The following UNC79 variants were observed in gnomAD, a reference collection of about 807,000 sequenced individuals.
The protein encoded by UNC79 is protein unc-79 homolog.
UNC79 carries 37 observed loss-of-function variants against 283.1 expected under a neutral mutation model. That is an observed-to-expected ratio of 0.13 (90% CI 0.10 to 0.17). The LOEUF (loss-of-function observed/expected upper bound fraction) is 0.17. UNC79 is among the 10% of genes least tolerant of loss of function. UNC79 has a pLI of 1.00. For synonymous variants in UNC79, 1,107 were observed against 1,200.2 expected, an observed-to-expected ratio of 0.92 and a Z score of 1.61; for missense variants, 2,272 against 3,211.1, an observed-to-expected ratio of 0.71 and a Z score of 7.07.
At chr14:93,536,195 G>A (rs1256601329) in intron 11 of UNC79, among the ~76,000 whole-genome samples, 1 of 152,182 alleles carries the variant, frequency 6.6e-6, no homozygotes, top group East Asian at 1.9e-4. Context: ...TGAGAGGAAG[G>A]TAGTCATGTC....
intron 1 of UNC79, among the ~76,000 whole-genome samples, chr14:93,376,246 TAGAAA>T (rs1399813844): frequency 6.6e-6 from 1 of 152,208 alleles, no homozygotes; most frequent in Non-Finnish European, 1.5e-5. Context: ...TATGTATTGA[TAGAAA>T]AGAGTGTTGA....
intron 1 of UNC79, among the ~76,000 whole-genome samples, chr14:93,366,587 A>G (rs991666743): frequency 3.3e-5 from 3 of 91,834 alleles, no homozygotes; most frequent in Non-Finnish European, 7.4e-5. Context: ...TTTTTTTTTT[A>G]TTTGAGACAG....
chr14:93,375,818 A>G (rs554606237), intron 1 of UNC79, among the ~76,000 whole-genome samples: 1 of 152,212 alleles, frequency 6.6e-6, no homozygotes, highest in African/African-American at 2.4e-5. Context: ...ATCATCTCCC[A>G]CCAGGCACCA....
At chr14:93,628,492 A>T (rs979467097) in intron 30 of UNC79, among the ~76,000 whole-genome samples, 7 of 152,164 alleles carry the variant, frequency 4.6e-5, no homozygotes, top group African/African-American at 1.7e-4. Context: ...TCTCTCCTAC[A>T]GAGAATTGAT....
chr14:93,502,112 C>A (rs936868342), intron 7 of UNC79, among the ~76,000 whole-genome samples: 3 of 152,020 alleles, frequency 2.0e-5, no homozygotes, highest in African/African-American at 7.2e-5. Flanking sequence ...ATTATTTTGG[C>A]CTTAAAGTTG....
At chr14:93,622,206 G>T (rs2067191360) in exon 30 of UNC79, 1 of 1,614,124 alleles carries the variant, frequency 6.2e-7, no homozygotes, top group Non-Finnish European at 8.5e-7. Flanking sequence ...GGCGATGACG[G>T]CCCCTCCGGT....
intron 25 of UNC79, among the ~76,000 whole-genome samples, chr14:93,601,463 T>C (rs2065501717): frequency 6.6e-6 from 1 of 152,258 alleles, no homozygotes; most frequent in African/African-American, 2.4e-5. Flanking sequence ...TAGTATTCCA[T>C]GGTACATATG....
intron 1 of UNC79, among the ~76,000 whole-genome samples, chr14:93,425,057 A>C (rs938810429): frequency 5.9e-5 from 9 of 152,310 alleles, no homozygotes; most frequent in African/African-American, 2.2e-4. Flanking sequence ...GTCCATTTTC[A>C]TGCTGCTATA....
chr14:93,534,578 G>C (rs1309867767), intron 11 of UNC79, among the ~76,000 whole-genome samples: 1 of 152,160 alleles, frequency 6.6e-6, no homozygotes, highest in African/African-American at 2.4e-5. Flanking sequence ...TTATAGCTGA[G>C]AGCCTCAATT....
At chr14:93,623,245 C>A (rs1266890906) in intron 30 of UNC79, among the ~76,000 whole-genome samples, 1 of 152,128 alleles carries the variant, frequency 6.6e-6, no homozygotes, top group Admixed American at 6.5e-5. Context: ...AAAGAAGGAA[C>A]CAATGTGGAG....
In UNC79 at chr14:93,467,628, C is replaced by T. The variant is rs1483008556; in HGVS notation, c.23-43C>T. ...ATTCTTCTCTTTCTTTTTCTTCTTCCTTTTTTTTTTTTTTTTTTTTTTTTT... is the reference window on the plus strand; with the variant it reads ...ATTCTTCTCTTTCTTTTTCTTCTTCTTTTTTTTTTTTTTTTTTTTTTTTTT... On this transcript the variant is annotated intron_variant, in intron 1 of 48. Transcript: ENST00000555664. 6.3e-5 allele frequency: 48 copies of T among 762,714 alleles called. No homozygotes were observed. In the Admixed American group the frequency reaches 1.3e-3, roughly 20 times the overall value. 47.2% of individuals were successfully genotyped at this position (762,714 alleles called of 1,614,324 possible). A position where few individuals can be genotyped will look rare whatever the true frequency, so the allele number is the denominator to read the frequency against.
intron 38 of UNC79, among the ~76,000 whole-genome samples, chr14:93,657,094 T>C (rs1268451173): frequency 6.6e-6 from 1 of 152,188 alleles, no homozygotes; most frequent in African/African-American, 2.4e-5. Context: ...AGCAGGAGTA[T>C]AGAGGAGGGA....
At chr14:93,538,072 G>A (rs572376037) in exon 12 of UNC79, 2 of 1,614,180 alleles carry the variant, frequency 1.2e-6, no homozygotes, top group Non-Finnish European at 1.7e-6. Context: ...GGCCTGTTCG[G>A]TACTGCAAGA....
intron 34 of UNC79, among the ~76,000 whole-genome samples, chr14:93,646,065 C>T (rs774074842): frequency 7.9e-5 from 12 of 152,082 alleles, no homozygotes; most frequent in Non-Finnish European, 1.3e-4. Flanking sequence ...CATACAGAAC[C>T]GTATAATTAT....
At chr14:93,657,177 G>C (rs2071036961) in intron 38 of UNC79, among the ~76,000 whole-genome samples, 1 of 152,076 alleles carries the variant, frequency 6.6e-6, no homozygotes, top group Non-Finnish European at 1.5e-5. Flanking sequence ...ATCCAAGCAA[G>C]AAGGGTTAGT....
At chr14:93,447,070 A>G (rs747774105) in intron 1 of UNC79, among the ~76,000 whole-genome samples, 1 of 152,136 alleles carries the variant, frequency 6.6e-6, no homozygotes, top group African/African-American at 2.4e-5. Context: ...GGGTTCATAT[A>G]CATTTATGAT....
At chr14:93,653,990 C>A in exon 37 of UNC79, 1 of 1,614,114 alleles carries the variant, frequency 6.2e-7, no homozygotes, top group Non-Finnish European at 8.5e-7. Flanking sequence ...CTTCAATGAG[C>A]TGAGCTCCAT....
chr14:93,539,540 AT>A (rs1186290723), intron 12 of UNC79, among the ~76,000 whole-genome samples: 2 of 151,998 alleles, frequency 1.3e-5, no homozygotes, highest in Non-Finnish European at 2.9e-5. Context: ...AATTAAAAAA[AT>A]AATAATAATA....
intron 1 of UNC79, among the ~76,000 whole-genome samples, chr14:93,433,003 T>G (rs1393759403): frequency 6.6e-6 from 1 of 152,202 alleles, no homozygotes; most frequent in African/African-American, 2.4e-5. Context: ...ATTAGTGGAC[T>G]TAAGTAGCTA....
Sources: allele counts gnomAD v4.1 joint callset (sites outside exome capture counted in the v4.1 genomes callset), GRCh38; gene constraint gnomAD v4.1.1; transcripts MANE v1.5; gene names NCBI Gene and HGNC (gene_info 2026-07-23, HGNC 2026-07-21).